NDUFB5: variants seen among roughly 807,000 people sequenced by gnomAD.
NDUFB5 encodes NADH:ubiquinone oxidoreductase subunit B5.
Under a neutral mutation model 19.4 loss-of-function variants are expected in NDUFB5, and 19 were observed. The observed-to-expected ratio is 0.98, with a 90% CI of 0.68 to 1.43. NDUFB5 has a LOEUF of 1.43. NDUFB5 is among the 40% of genes most tolerant of loss of function. NDUFB5 has a pLI of 0.00. For missense variants in NDUFB5, 233 were observed against 236.5 expected (o/e 0.99, Z 0.10); for synonymous variants, 80 against 82.6 (o/e 0.97, Z 0.17).
chr3:179,617,061 G>T lies in NDUFB5; in HGVS notation c.342+17G>T. 1 of 1,566,164 alleles carries T rather than the reference G, an allele frequency of 6.4e-7. No individual in the cohort carries two copies. The highest frequency in any genetic ancestry group is 1.1e-5 in the South Asian group (1 of 88,874). On this transcript the variant is annotated intron_variant, in intron 4 of 5. Coordinates refer to ENST00000259037, the MANE Select transcript of NDUFB5 (RefSeq NM_002492.4). The stretch of plus-strand genomic sequence containing the variant: ...TATTATAAGGTTTGTATAGGACATT[G>T]ACAATTACATACTGTTACATGCCTT...
chr3:179,621,316 G>A (rs1241836140), intron 5 of NDUFB5, among the ~76,000 whole-genome samples: 1 of 152,006 alleles, frequency 6.6e-6, no homozygotes, highest in Admixed American at 6.6e-5. Context: ...GGGTTCAAGC[G>A]ATCCACCCTC....
At position 179,620,533 on chromosome 3, in the gene NDUFB5, T is replaced by A. The variant is rs191828269; in HGVS notation, c.449+2012T>A. 1.8e-3 allele frequency among the ~76,000 whole-genome samples: 267 copies of A among 152,320 alleles called. 1 individual carries two copies. Among genetic ancestry groups the A allele is most frequent in the African/African-American group, 6.1e-3 (252 of 41,562 alleles). The stretch of plus-strand genomic sequence containing the variant: ...GATATGCGGCATTATTTCTGAGGGC[T>A]CTGTTCTGTTCCATTAGTCTATATC... On this transcript the variant is annotated intron_variant, in intron 5 of 5. Transcript: ENST00000259037.
chr3:179,605,675 C>T (rs1719072076), intron 1 of NDUFB5, among the ~76,000 whole-genome samples: 1 of 151,940 alleles, frequency 6.6e-6, no homozygotes, highest in African/African-American at 2.4e-5. Flanking sequence ...ATAACGAATC[C>T]AGCCTGTATT....
At position 179,626,269 on chromosome 3, in the gene NDUFB5, T is replaced by G. The variant is rs1470152132; in HGVS notation, c.*2229T>G. The G allele has an allele frequency of 6.6e-6, 1 of 152,114 alleles. No individual in the cohort carries two copies. 9.4% of individuals were successfully genotyped at this position (152,114 alleles called of 1,614,324 possible). A position where few individuals can be genotyped will look rare whatever the true frequency, so the allele number is the denominator to read the frequency against. ...GATCTCTGGCCCTTTTTTTAAATTT[T>G]TTTTTTTTTTGAATTGGGGTCACCC... is the stretch of plus-strand genomic sequence containing the variant. On this transcript the variant is annotated 3_prime_UTR_variant, in exon 6 of 6. Transcript: ENST00000259037.
chr3:179,623,470 T>TA (rs1374095585), intron 5 of NDUFB5, among the ~76,000 whole-genome samples: 3 of 152,162 alleles, frequency 2.0e-5, no homozygotes, highest in Non-Finnish European at 2.9e-5. Flanking sequence ...GGTCAGGAGT[T>TA]AGAGACCAGC....
chr3:179,611,404 AGTT>A (rs1460840169), intron 1 of NDUFB5, among the ~76,000 whole-genome samples: 3 of 151,500 alleles, frequency 2.0e-5, no homozygotes, highest in African/African-American at 7.3e-5. Flanking sequence ...ACCAATTTTC[AGTT>A]GTTGTCTTTT....
At chr3:179,612,906 G>A (rs1719285167) in intron 1 of NDUFB5, among the ~76,000 whole-genome samples, 1 of 152,126 alleles carries the variant, frequency 6.6e-6, no homozygotes, top group Admixed American at 6.5e-5. Context: ...GTGTAGTCAG[G>A]GGATAAGCGA....
chr3:179,616,441 C>CT (rs1484792672), intron 3 of NDUFB5, among the ~76,000 whole-genome samples: 1 of 152,056 alleles, frequency 6.6e-6, no homozygotes. Context: ...ACTCGGGAGG[C>CT]TGAGGCAGGA....
chr3:179,623,076 G>A (rs1482308654), intron 5 of NDUFB5, among the ~76,000 whole-genome samples: 1 of 152,204 alleles, frequency 6.6e-6, no homozygotes, highest in African/African-American at 2.4e-5. Flanking sequence ...AGTATCTGAT[G>A]TTGACCGGGC....
intron 5 of NDUFB5, among the ~76,000 whole-genome samples, chr3:179,619,455 G>GT (rs1469501420): frequency 6.6e-6 from 1 of 151,722 alleles, no homozygotes; most frequent in African/African-American, 2.4e-5. Context: ...GCAGTGTTTG[G>GT]TTTTTTGTCC....
rs562776649 is a variant in NDUFB5 at position 179,620,425 on chromosome 3, G to GT, written c.449+1907dup. ...TCAGCTTTCTACATATGGCTAGCCA[G>GT]TTTCCCAGCACCATTTATTAAATAG... On this transcript the variant is annotated intron_variant, in intron 5 of 5. Transcript: ENST00000259037. 7.3e-3 allele frequency among the ~76,000 whole-genome samples: 1,112 copies of GT among 152,086 alleles called. 14 individuals are homozygous for GT. The highest frequency in any genetic ancestry group is 0.026 in the African/African-American group (1,055 of 41,368).
chr3:179,613,763 C>A (rs1719307421), intron 1 of NDUFB5, among the ~76,000 whole-genome samples: 1 of 152,070 alleles, frequency 6.6e-6, no homozygotes, highest in Admixed American at 6.6e-5. Context: ...CAGATGTTAC[C>A]AAAATTAAGA....
intron 5 of NDUFB5, among the ~76,000 whole-genome samples, chr3:179,622,881 C>A (rs1388556227): frequency 6.6e-6 from 1 of 152,070 alleles, no homozygotes; most frequent in East Asian, 1.9e-4. Flanking sequence ...GGGACTACTT[C>A]AGGAATGTGT....
rs535340851 is a variant in NDUFB5 at position 179,616,197 on chromosome 3, C to A, written c.280+148C>A. 20 of 654,332 alleles carry A rather than the reference C, an allele frequency of 3.1e-5. No homozygotes were observed. In the South Asian group the frequency reaches 4.1e-4, roughly 14 times the overall value. 40.5% of individuals were successfully genotyped at this position (654,332 alleles called of 1,614,324 possible). On this transcript the variant is annotated intron_variant, in intron 3 of 5. Transcript: ENST00000259037. Reference sequence around the variant, plus strand: ...AGCATGGCAGTTTATCTTAAAATAACCAAATCTCAATCTGAACTAAGAATT... The same window carrying A: ...AGCATGGCAGTTTATCTTAAAATAAACAAATCTCAATCTGAACTAAGAATT...
chr3:179,610,987 AG>A (rs1266554570), intron 1 of NDUFB5, among the ~76,000 whole-genome samples: 1 of 152,166 alleles, frequency 6.6e-6, no homozygotes, highest in East Asian at 1.9e-4. Flanking sequence ...AGAAAAGTAA[AG>A]GTTGAGTTTT....
intron 1 of NDUFB5, among the ~76,000 whole-genome samples, chr3:179,608,314 C>T (rs941948003): frequency 8.6e-5 from 13 of 152,014 alleles, no homozygotes; most frequent in African/African-American, 2.7e-4. Context: ...GCCTCAGCCT[C>T]CTGAGTAGCT....
At chr3:179,623,873 T>G in intron 5 of NDUFB5, 47 bp from the exon 6 acceptor site, 1 of 1,609,728 alleles carries the variant, frequency 6.2e-7, no homozygotes, top group Non-Finnish European at 8.5e-7. Context: ...ATTAAATTTA[T>G]AATTGGAAGT....
chr3:179,617,642 A>G (rs927111502), intron 4 of NDUFB5, among the ~76,000 whole-genome samples: 3 of 152,192 alleles, frequency 2.0e-5, no homozygotes, highest in African/African-American at 7.2e-5. Flanking sequence ...GACTTCACCA[A>G]TGTTAATGCT....
Position 179,618,629 on chromosome 3 carries a change from G to A in NDUFB5, c.449+108G>A, listed in dbSNP as rs1374389093. The A allele has an allele frequency of 4.0e-6, 3 of 743,078 alleles. 1 individual carries two copies. The African/African-American group carries it at 5.4e-5, about 13-fold the overall frequency. 46.0% of individuals were successfully genotyped at this position (743,078 alleles called of 1,614,324 possible). On this transcript the variant is annotated intron_variant, in intron 5 of 5. Coordinates refer to ENST00000259037, the MANE Select transcript of NDUFB5 (RefSeq NM_002492.4). ...ATTTCAGCACTATAGGATACTTTATGTAAAAGGATAAAGATACGTCCAGAT... is the reference window on the plus strand; with the variant it reads ...ATTTCAGCACTATAGGATACTTTATATAAAAGGATAAAGATACGTCCAGAT...
Sources: allele counts gnomAD v4.1 joint callset (sites outside exome capture counted in the v4.1 genomes callset), GRCh38; gene constraint gnomAD v4.1.1; transcripts MANE v1.5; gene names NCBI Gene and HGNC (gene_info 2026-07-23, HGNC 2026-07-21).